The following KIF26B variants were observed in gnomAD, a reference collection of about 807,000 sequenced individuals.
KIF26B encodes the protein kinesin family member 26B, also known as kinesin-like protein KIF26B.
Under a neutral mutation model 151.2 loss-of-function variants are expected in KIF26B, and 63 were observed. That is an observed-to-expected ratio of 0.42 (90% confidence interval 0.34 to 0.51). The LOEUF (loss-of-function observed/expected upper bound fraction) is 0.51. Among genes scored for constraint, KIF26B ranks in the 20% least tolerant of loss-of-function variants. KIF26B has a pLI of 0.07. For synonymous variants in KIF26B, 1,357 were observed against 1,262.1 expected, an observed-to-expected ratio of 1.08 and a Z score of -1.59; for missense variants, 2,813 against 2,913.6, an observed-to-expected ratio of 0.97 and a Z score of 0.79.
intron 10 of KIF26B, among the ~76,000 whole-genome samples, chr1:245,674,776 C>CT (rs770198044): frequency 2.2e-4 from 34 of 152,318 alleles, no homozygotes; most frequent in African/African-American, 3.6e-4. Flanking sequence ...AAACACAGCT[C>CT]TTATAGTCAA....
chr1:245,633,446 T>G (rs761477488), intron 9 of KIF26B, among the ~76,000 whole-genome samples: 1 of 152,234 alleles, frequency 6.6e-6, no homozygotes, highest in Non-Finnish European at 1.5e-5. Flanking sequence ...TTCTTCCTCT[T>G]GTATTGCTTA....
intron 4 of KIF26B, among the ~76,000 whole-genome samples, chr1:245,522,911 C>T (rs906593913): frequency 2.6e-5 from 4 of 152,164 alleles, no homozygotes; most frequent in South Asian, 2.1e-4. Context: ...AATGTCTAAA[C>T]GGAGACACTT....
chr1:245,574,859 T>C (rs1284563162), intron 5 of KIF26B, among the ~76,000 whole-genome samples: 1 of 144,036 alleles, frequency 6.9e-6, no homozygotes, highest in African/African-American at 2.6e-5. Flanking sequence ...TTTTCTTTTT[T>C]TTTTCTTTTT....
chr1:245,649,514 C>A (rs1217622838), intron 10 of KIF26B, among the ~76,000 whole-genome samples: 1 of 152,212 alleles, frequency 6.6e-6, no homozygotes, highest in Admixed American at 6.5e-5. Flanking sequence ...ATTTTGTTAG[C>A]ATACTAAACA....
Position 245,227,345 on chromosome 1 carries a change from G to A in KIF26B, c.465+70662G>A, listed in dbSNP as rs1307973586. Among the ~76,000 whole-genome samples, 1 of 152,226 alleles carries A rather than the reference G, an allele frequency of 6.6e-6. No homozygotes were observed. Among genetic ancestry groups the A allele is most frequent in the African/African-American group, 2.4e-5 (1 of 41,456 alleles). On this transcript the variant is annotated intron_variant, in intron 2 of 14. Coordinates refer to ENST00000407071, the MANE Select transcript of KIF26B (RefSeq NM_018012.4). The surrounding 1 kb of genome is among the most constrained non-coding windows in gnomAD (Gnocchi z 4.1). ...TTAGCAGTGTAACAAAACTTCCCAT[G>A]TGATGTAGCACAGGTTGATGGGGTA...
chr1:245,468,941 TAC>T (rs1558178454), intron 4 of KIF26B, among the ~76,000 whole-genome samples: 1 of 152,230 alleles, frequency 6.6e-6, no homozygotes, highest in Non-Finnish European at 1.5e-5. Context: ...CAAATATATA[TAC>T]ACACATACCT....
At chr1:245,700,863 C>A (rs143213547) in intron 14 of KIF26B, among the ~76,000 whole-genome samples, 2 of 152,218 alleles carry the variant, frequency 1.3e-5, no homozygotes, top group Admixed American at 6.5e-5. Flanking sequence ...CTCCCCGCTG[C>A]GGATACCCTT....
At chr1:245,556,179 A>T (rs1461684639) in intron 5 of KIF26B, among the ~76,000 whole-genome samples, 1 of 151,992 alleles carries the variant, frequency 6.6e-6, no homozygotes, top group Non-Finnish European at 1.5e-5. Flanking sequence ...CTGAACAAAA[A>T]TGCCCAAATT....
intron 4 of KIF26B, among the ~76,000 whole-genome samples, chr1:245,430,767 C>G (rs556474716): frequency 6.6e-6 from 1 of 152,292 alleles, no homozygotes; most frequent in Admixed American, 6.5e-5. Flanking sequence ...TCAGAAGCCC[C>G]CATGAGTTGG....
chr1:245,557,009 G>A (rs1358271426), intron 5 of KIF26B, among the ~76,000 whole-genome samples: 3 of 152,122 alleles, frequency 2.0e-5, no homozygotes, highest in South Asian at 4.2e-4. Context: ...TGGGAGTGGG[G>A]GACAAGGAAC....
intron 4 of KIF26B, among the ~76,000 whole-genome samples, chr1:245,487,422 G>T (rs1389042323): frequency 2.0e-5 from 3 of 152,132 alleles, no homozygotes; most frequent in Non-Finnish European, 4.4e-5. Flanking sequence ...CCTACGTGCT[G>T]GCCAGTACTC....
chr1:245,406,091 G>T (rs1341243178), intron 3 of KIF26B, among the ~76,000 whole-genome samples: 2 of 152,132 alleles, frequency 1.3e-5, no homozygotes, highest in African/African-American at 4.8e-5. Flanking sequence ...AAATGGTCCT[G>T]CTTTAGACTG....
At chr1:245,162,243 C>A (rs538324693) in intron 2 of KIF26B, among the ~76,000 whole-genome samples, 1 of 152,328 alleles carries the variant, frequency 6.6e-6, no homozygotes, top group South Asian at 2.1e-4. Flanking sequence ...CCACTCTCTG[C>A]AGTCACAAGC....
chr1:245,522,114 C>T (rs1661138460), intron 4 of KIF26B, among the ~76,000 whole-genome samples: 1 of 152,104 alleles, frequency 6.6e-6, no homozygotes, highest in African/African-American at 2.4e-5. Context: ...CATGATCTGC[C>T]CGCCTTGGCC....
rs1660338803 is a variant in KIF26B at position 245,488,888 on chromosome 1, G to T, written c.1167-51879G>T. On this transcript the variant is annotated intron_variant, in intron 4 of 14. Coordinates refer to ENST00000407071, the MANE Select transcript of KIF26B (RefSeq NM_018012.4). This position sits in a 1 kb window ranked among gnomAD's most constrained non-coding sequence, Gnocchi z 4.6. ...ATGCCTTAGGCTAGGTTTGCAGTTG[G>T]TAGATGCAAAATATGCTGATAAGAT... Among the ~76,000 whole-genome samples the T allele has an allele frequency of 1.3e-5, 2 of 152,188 alleles. No individual in the cohort carries two copies. Among genetic ancestry groups the T allele is most frequent in the South Asian group, 2.1e-4 (1 of 4,834 alleles).
chr1:245,552,616 A>ATTTTTTTTTTT (rs3038129), intron 5 of KIF26B, among the ~76,000 whole-genome samples: 10 of 138,518 alleles, frequency 7.2e-5, no homozygotes, highest in African/African-American at 2.7e-4. Flanking sequence ...ATCTTCCTGG[A>ATTTTTTTTTTT]TTTTTTTTTT....
chr1:245,557,034 G>A (rs1662056704), intron 5 of KIF26B, among the ~76,000 whole-genome samples: 1 of 152,180 alleles, frequency 6.6e-6, no homozygotes, highest in Non-Finnish European at 1.5e-5. Context: ...GTCTCCATCT[G>A]TGCCAGGTGC....
rs1221531722 is a variant in KIF26B, at chr1:245,224,677, CAT to C, written c.465+67996_465+67997del. Among the ~76,000 whole-genome samples the C allele has an allele frequency of 2.6e-5, 4 of 152,212 alleles. No individual in the cohort carries two copies. In the East Asian group the frequency reaches 5.8e-4, roughly 22 times the overall value. On this transcript the variant is annotated intron_variant, in intron 2 of 14. Transcript: ENST00000407071. ...GTGATATTGACATATGATTTAAAAA[CAT>C]AATGACATGCATCAACATTTGCAAG...
At chr1:245,258,853 CCAGGTTGCTTA>C (rs1405783623) in intron 2 of KIF26B, among the ~76,000 whole-genome samples, 11 of 152,248 alleles carry the variant, frequency 7.2e-5, no homozygotes, top group Non-Finnish European at 1.3e-4. Context: ...CGTGTGTCTG[CCAGGTTGCTTA>C]ACCCATCTCC....
Sources: gnomAD v4.1 joint callset for allele counts (sites outside exome capture counted in the v4.1 genomes callset) on GRCh38, gnomAD v4.1.1 for gene constraint, Gnocchi (gnomAD v3.1) non-coding constraint, MANE v1.5 for transcripts, NCBI Gene and HGNC (gene_info 2026-07-23, HGNC 2026-07-21) for gene names.